AASS: variants seen among roughly 807,000 people sequenced by gnomAD.
The protein encoded by AASS is aminoadipate-semialdehyde synthase.
A neutral mutation model predicts 105.4 loss-of-function variants in AASS; 86 were observed. The observed-to-expected ratio is 0.82, with a 90% CI of 0.69 to 0.98. The LOEUF (loss-of-function observed/expected upper bound fraction) is 0.98, where lower values mean the gene tolerates loss of function less well. Among genes scored for constraint, AASS ranks in the 50% least tolerant of loss-of-function variants. The pLI is 0.00. For missense variants in AASS, 1,048 were observed against 1,143.2 expected (o/e 0.92, Z 1.20); for synonymous variants, 381 against 394.8 (o/e 0.96, Z 0.41).
intron 13 of AASS, among the ~76,000 whole-genome samples, chr7:122,100,892 T>G (rs545279532): frequency 1.3e-5 from 2 of 151,976 alleles, no homozygotes; most frequent in African/African-American, 4.8e-5. Flanking sequence ...CCTCTTACTT[T>G]CATCAATTGT....
chr7:122,102,051 C>A (rs906700377), intron 11 of AASS, among the ~76,000 whole-genome samples: 5 of 151,842 alleles, frequency 3.3e-5, no homozygotes, highest in African/African-American at 1.2e-4. Context: ...TACTCCATTC[C>A]AAAAGTTCAA....
At chr7:122,086,981 C>T (rs1026797269) in intron 18 of AASS, among the ~76,000 whole-genome samples, 23 of 152,094 alleles carry the variant, frequency 1.5e-4, no homozygotes, top group African/African-American at 3.6e-4. Context: ...AGTTTATTGG[C>T]TTATTATTAT....
At chr7:122,132,135 C>T (rs1161284207) in intron 2 of AASS, among the ~76,000 whole-genome samples, 1 of 152,242 alleles carries the variant, frequency 6.6e-6, no homozygotes, top group African/African-American at 2.4e-5. Context: ...ATCTTGTCAA[C>T]ATGAAGATGT....
At chr7:122,133,142 T>C (rs948529446) in intron 2 of AASS, among the ~76,000 whole-genome samples, 23 of 152,070 alleles carry the variant, frequency 1.5e-4, no homozygotes, top group African/African-American at 4.8e-4. Context: ...ATTGCTAAAA[T>C]AGGAATGAGT....
intron 11 of AASS, among the ~76,000 whole-genome samples, chr7:122,110,740 T>C (rs1345977846): frequency 2.0e-5 from 3 of 151,890 alleles, no homozygotes; most frequent in Non-Finnish European, 2.9e-5. Flanking sequence ...GATAAATCTA[T>C]GTGCAAACTC....
Position 122,083,478 on chromosome 7 carries a change from G to T in AASS, c.2185-1883C>A, listed in dbSNP as rs558316479. ...CAAACTGCTGCCATATGTCAGACTT[G>T]TGCTAGGGACTGAGGCCACAGAGAT... On this transcript the variant is annotated intron_variant, in intron 19 of 23. Coordinates refer to ENST00000417368, the MANE Select transcript of AASS (RefSeq NM_005763.4). 1.9e-3 allele frequency among the ~76,000 whole-genome samples: 295 copies of T among 152,146 alleles called. 1 individual carries two copies. The highest frequency in any genetic ancestry group is 3.4e-3 in the Non-Finnish European group (230 of 68,008).
Position 122,075,466 on chromosome 7 carries a change from G to C in AASS, c.*1023C>G, listed in dbSNP as rs759318848. On this transcript the variant is annotated 3_prime_UTR_variant, in exon 24 of 24. Transcript: ENST00000417368. Reference sequence around the variant, plus strand: ...CTTTCTTGACTGTCCAGTACAAGTTGAATAGAAATGGCCAAAGCAGACATC... The same window carrying C: ...CTTTCTTGACTGTCCAGTACAAGTTCAATAGAAATGGCCAAAGCAGACATC... Among the ~76,000 whole-genome samples, 6 of 152,068 alleles carry C rather than the reference G, an allele frequency of 3.9e-5. No individual in the cohort carries two copies. Among genetic ancestry groups the C allele is most frequent in the Non-Finnish European group, 7.3e-5 (5 of 68,028 alleles).
chr7:122,113,546 A>G lies in AASS; in HGVS notation c.1166+52T>C, dbSNP rs571081287. ...AAAATACTGAGAATTTTAGAGTAGT[A>G]TATCAATGTAACTAAGTGAGGAATA... is the stretch of plus-strand genomic sequence containing the variant. On this transcript the variant is annotated intron_variant, in intron 10 of 23. Transcript: ENST00000417368. 9.4e-6 allele frequency: 15 copies of G among 1,599,190 alleles called. No homozygotes were observed. The African/African-American group carries it at 1.5e-4, about 16-fold the overall frequency.
At chr7:122,116,269 C>T (rs910915515) in intron 8 of AASS, among the ~76,000 whole-genome samples, 9 of 152,110 alleles carry the variant, frequency 5.9e-5, no homozygotes, top group Non-Finnish European at 8.8e-5. Context: ...TTGCAATTTG[C>T]GGCCATGTTG....
chr7:122,133,309 GA>G (rs932242599), intron 2 of AASS, among the ~76,000 whole-genome samples: 3 of 152,104 alleles, frequency 2.0e-5, no homozygotes, highest in African/African-American at 7.2e-5. Context: ...GGCTGTACAT[GA>G]AGGAGAGAAT....
At chr7:122,122,754 T>G (rs969861785) in intron 4 of AASS, among the ~76,000 whole-genome samples, 1 of 152,214 alleles carries the variant, frequency 6.6e-6, no homozygotes, top group Non-Finnish European at 1.5e-5. Context: ...TCTAATCCTC[T>G]GCTTATGTAT....
Position 122,139,050 on chromosome 7 carries a change from C to T in AASS, c.-16+5111G>A, listed in dbSNP as rs1796273361. ...AATCTCATGTGTGGTTAGAAAGGTC[C>T]TTTCAGAGTGTGAGCAAAGTGGTCT... is the stretch of plus-strand genomic sequence containing the variant. On this transcript the variant is annotated intron_variant, in intron 1 of 23. Coordinates refer to ENST00000417368, the MANE Select transcript of AASS (RefSeq NM_005763.4). 2.6e-5 allele frequency among the ~76,000 whole-genome samples: 4 copies of T among 152,092 alleles called. No homozygotes were observed. The South Asian group carries it at 6.2e-4, about 24-fold the overall frequency.
intron 2 of AASS, among the ~76,000 whole-genome samples, chr7:122,130,415 C>G (rs1218214775): frequency 6.6e-6 from 1 of 151,870 alleles, no homozygotes; most frequent in Non-Finnish European, 1.5e-5. Context: ...ATGGCTAATA[C>G]AAGACTTATT....
At chr7:122,118,654 A>G (rs1218163767) in intron 4 of AASS, 24 bp from the exon 5 acceptor site, 1 of 1,609,012 alleles carries the variant, frequency 6.2e-7, no homozygotes, top group Admixed American at 1.7e-5. Context: ...AGACCAATAG[A>G]AAGACTATTA....
intron 18 of AASS, among the ~76,000 whole-genome samples, chr7:122,088,040 T>G (rs1562908306): frequency 6.6e-6 from 1 of 152,188 alleles, no homozygotes; most frequent in African/African-American, 2.4e-5. Flanking sequence ...TGGTATATAA[T>G]GTAGTTCAAC....
At chr7:122,141,601 A>G (rs575409796) in intron 1 of AASS, among the ~76,000 whole-genome samples, 1 of 151,904 alleles carries the variant, frequency 6.6e-6, no homozygotes, top group South Asian at 2.1e-4. Context: ...AAACAAACAA[A>G]CAAACAAACA....
chr7:122,101,477 C>T (rs374215768), intron 12 of AASS, 39 bp from the exon 13 acceptor site: 69 of 1,554,048 alleles, frequency 4.4e-5, no homozygotes, highest in Non-Finnish European at 5.8e-5. Flanking sequence ...TTAGTATCCA[C>T]ATTTTAGTCC....
intron 18 of AASS, among the ~76,000 whole-genome samples, chr7:122,086,618 T>A (rs1211665724): frequency 6.6e-6 from 1 of 151,856 alleles, no homozygotes; most frequent in African/African-American, 2.4e-5. Flanking sequence ...TAAAAATGTT[T>A]AAAAAATAAA....
chr7:122,121,533 G>T (rs750227799), intron 4 of AASS, among the ~76,000 whole-genome samples: 2 of 151,978 alleles, frequency 1.3e-5, no homozygotes, highest in Non-Finnish European at 2.9e-5. Flanking sequence ...CAGCTGGGAT[G>T]ACAGGCACGC....
Sources: allele counts gnomAD v4.1 joint callset (sites outside exome capture counted in the v4.1 genomes callset), GRCh38; gene constraint gnomAD v4.1.1; transcripts MANE v1.5; gene names NCBI Gene and HGNC (gene_info 2026-07-23, HGNC 2026-07-21).